DSC1: variants seen among roughly 807,000 people sequenced by gnomAD.
DSC1 encodes the protein desmocollin-1.
DSC1 carries 79 observed loss-of-function variants against 98.8 expected under a neutral mutation model. The observed-to-expected ratio is 0.80, with a 90% CI of 0.67 to 0.96. DSC1 has a LOEUF of 0.96. Ranked by LOEUF, DSC1 falls within the 50% of genes least tolerant of loss-of-function variation. DSC1 has a pLI of 0.00. For missense variants in DSC1, 1,115 were observed against 1,075.9 expected (o/e 1.04, Z -0.51); for synonymous variants, 405 against 372.1 (o/e 1.09, Z -1.02).
chr18:31,147,067 A>G (rs543665167), intron 6 of DSC1, among the ~76,000 whole-genome samples: 1 of 152,302 alleles, frequency 6.6e-6, no homozygotes, highest in East Asian at 1.9e-4. Context: ...TTCTTGCAAC[A>G]TTTTAAAACA....
In DSC1 at chr18:31,155,085, G is replaced by A. The variant is rs183252368; in HGVS notation, c.472-156C>T. Among the ~76,000 whole-genome samples, 359 of 151,924 alleles carry A rather than the reference G, an allele frequency of 2.4e-3. 3 individuals carry two copies. Among genetic ancestry groups the A allele is most frequent in the African/African-American group, 8.1e-3 (336 of 41,398 alleles). On this transcript the variant is annotated intron_variant, in intron 4 of 15. Transcript: ENST00000257198. ...GTGCCCATTATCTGCCATGTTTTCC[G>A]AATTTTTATTTGCATTTTGCATTGT...
Position 31,134,031 on chromosome 18 carries a change from A to T in DSC1, c.1976T>A (p.Met659Lys), listed in dbSNP as rs28620831. ...KDRHGLVATH[M>K]LTVRVCDCST... Reference sequence around the variant, plus strand: ...ACAGTCACATACTCTCACTGTTAACATATGTGTTGCAACTAAACCATGCCT... The same window carrying T: ...ACAGTCACATACTCTCACTGTTAACTTATGTGTTGCAACTAAACCATGCCT... Residue 659 changes from methionine (M) to lysine (K), a missense_variant, in exon 13 of 16, where the codon ATG becomes AAG. By Grantham distance (95) the Met-to-Lys change is moderately conservative (BLOSUM62 -1). Transcript: ENST00000257198. 3 of 1,613,062 alleles carry T rather than the reference A, an allele frequency of 1.9e-6. No individual in the cohort carries two copies. Among genetic ancestry groups the T allele is most frequent in the Admixed American group, 1.7e-5 (1 of 59,972 alleles).
intron 8 of DSC1, 55 bp from the exon 9 acceptor site, chr18:31,142,239 A>G: frequency 1.3e-6 from 2 of 1,547,498 alleles, no homozygotes; most frequent in African/African-American, 2.8e-5. Flanking sequence ...ATGTAGCTTT[A>G]TATTCTAAAA....
At chr18:31,148,782 G>A in intron 5 of DSC1, 140 bp from the exon 6 acceptor site, 1 of 775,522 alleles carries the variant, frequency 1.3e-6, no homozygotes, top group Non-Finnish European at 1.9e-6. Context: ...ATGCAATAGA[G>A]AGATAACCCA....
chr18:31,147,635 C>T (rs1052044426), intron 6 of DSC1, among the ~76,000 whole-genome samples: 1 of 151,912 alleles, frequency 6.6e-6, no homozygotes, highest in African/African-American at 2.4e-5. Flanking sequence ...CCTAAAATTG[C>T]CATCATCCTA....
In DSC1 at chr18:31,134,590, T is replaced by A; in HGVS notation, c.1858A>T (p.Asn620Tyr). ...TACATACCATCCTTTTCTTCTATGT[T>A]CCAGTTTTTACTGGCAGAATTATCC... ...FLDNSASKNW[N>Y]IEEKDGKTAI... The change falls in exon 12 of 16, where the codon AAC becomes TAC. Residue 620 changes from asparagine (N) to tyrosine (Y), a missense_variant. Transcript: ENST00000257198. The A allele has an allele frequency of 2.5e-6, 4 of 1,610,368 alleles. No homozygotes were observed. In the South Asian group the frequency reaches 3.3e-5, roughly 13 times the overall value.
chr18:31,134,244 CT>C (rs60325074), intron 12 of DSC1, 114 bp from the exon 13 acceptor site: 90,380 of 999,726 alleles, frequency 0.09, 1,834 homozygotes, highest in African/African-American at 0.21. Flanking sequence ...TCGAATTTTT[CT>C]TTTTTTTTTT....
chr18:31,152,357 A>G (rs1337824789), intron 5 of DSC1, among the ~76,000 whole-genome samples: 2 of 152,196 alleles, frequency 1.3e-5, no homozygotes, highest in African/African-American at 4.8e-5. Flanking sequence ...TTCTTATATA[A>G]CTATTCTTTG....
At chr18:31,149,651 A>G (rs1407055440) in intron 5 of DSC1, among the ~76,000 whole-genome samples, 1 of 152,154 alleles carries the variant, frequency 6.6e-6, no homozygotes, top group African/African-American at 2.4e-5. Context: ...TGTGCTTTAC[A>G]ATTTTAACCA....
At position 31,131,609 on chromosome 18, in the gene DSC1, T is replaced by C. The variant is rs1264934544; in HGVS notation, c.2472A>G (p.Gln824=). 1.9e-6 allele frequency: 3 copies of C among 1,614,038 alleles called. No homozygotes were observed. Among genetic ancestry groups the C allele is most frequent in the Admixed American group, 1.7e-5 (1 of 60,010 alleles). ...YAYTDWQSFT[Q]PRLGEKVYLC... is the part of the protein sequence containing the mutation. ...TGGAACTTACTTCGCCAAGCCGAGG[T>C]TGGGTGAAACTCTGCCAGTCCGTGT... The change falls in exon 15 of 16, where the codon CAA becomes CAG. Residue 824 remains glutamine (Q), a synonymous_variant. Transcript: ENST00000257198.
chr18:31,135,728 TGAA>T (rs1189720153), intron 11 of DSC1, among the ~76,000 whole-genome samples: 1 of 152,114 alleles, frequency 6.6e-6, no homozygotes, highest in East Asian at 1.9e-4. Flanking sequence ...TAAGAGATAA[TGAA>T]GTTCAGAAAC....
intron 11 of DSC1, among the ~76,000 whole-genome samples, chr18:31,138,930 A>C (rs1033050193): frequency 6.6e-6 from 1 of 152,022 alleles, no homozygotes; most frequent in Non-Finnish European, 1.5e-5. Flanking sequence ...ATTTATGGTA[A>C]ATTTGTCATC....
chr18:31,142,150 A>G lies in DSC1; in HGVS notation c.1109T>C (p.Val370Ala), dbSNP rs781523299. 1 of 1,612,654 alleles carries G rather than the reference A, an allele frequency of 6.2e-7. No homozygotes were observed. Among genetic ancestry groups the G allele is most frequent in the African/African-American group, 1.3e-5 (1 of 74,904 alleles). ...VTEVEENRID[V>A]EILRMKVQDQ... ...CTGTACCTTCATTCGTAAAATCTCC[A>G]CGTCAATTCTGTTTTCTTCTACTTC... The change falls in exon 9 of 16, where the codon GTG (valine) becomes GCG (alanine). Residue 370 changes from valine to alanine, a missense_variant. Transcript: ENST00000257198.
intron 6 of DSC1, among the ~76,000 whole-genome samples, chr18:31,147,063 C>T (rs576295393): frequency 3.0e-4 from 46 of 152,140 alleles, no homozygotes; most frequent in African/African-American, 1.1e-3. Context: ...ACTGTTCTTG[C>T]AACATTTTAA....
rs551670498 is a variant in DSC1, at chr18:31,148,523, A to T, written c.747T>A (p.Phe249Leu). 42 of 1,608,392 alleles carry T rather than the reference A, an allele frequency of 2.6e-5. No homozygotes were observed. The African/African-American group carries it at 5.3e-4, about 20-fold the overall frequency. Residue 249 changes from phenylalanine to leucine, a missense_variant, in exon 6 of 16, where the codon TTT becomes TTA. Transcript: ENST00000257198. ...CGGATCGGCAATTTTCAGGCACAGT[A>T]AAGATAGTCACTCTGTGTTCAAAAT... The part of the protein sequence containing the change: ...APYFEHRVTI[F>L]TVPENCRSGT...
chr18:31,130,520 CT>C lies in DSC1; in HGVS notation c.2678del (p.Lys893ArgfsTer7). 1.2e-6 allele frequency: 2 copies of C among 1,614,094 alleles called. No individual in the cohort carries two copies. Among genetic ancestry groups the C allele is most frequent in the Non-Finnish European group, 8.5e-7 (1 of 1,179,980 alleles). On this transcript the variant is annotated frameshift_variant, in exon 16 of 16. Transcript: ENST00000257198. LOFTEE classifies it high-confidence loss of function. ...ACACTATTAAAAGGCACATTTATTTCTTGATGCATGTCTTTGCTAATGTCCT... is the reference window on the plus strand; with the variant it reads ...ACACTATTAAAAGGCACATTTATTTCTGATGCATGTCTTTGCTAATGTCCT... The part of the protein sequence containing the change: ...KFRTLAKTCI[K>X]K
Position 31,148,744 on chromosome 18 carries a change from A to G in DSC1, c.628-102T>C, listed in dbSNP as rs1304460778. 6 of 1,088,074 alleles carry G rather than the reference A, an allele frequency of 5.5e-6. No homozygotes were observed. In the East Asian group the frequency reaches 1.6e-4, roughly 29 times the overall value. The allele number at this position is 1,088,074 out of a possible 1,614,324, so 67.4% of individuals were successfully genotyped here. On this transcript the variant is annotated intron_variant, in intron 5 of 15. Transcript: ENST00000257198. ...AAATGTAACATTAAAAAAAAAAATC[A>G]TTCCCAAAGACCCGTAACTAAGAAA...
In DSC1 at chr18:31,154,557, C is replaced by T. The variant is rs116289115; in HGVS notation, c.627+217G>A. The stretch of plus-strand genomic sequence containing the variant: ...CAAAATATATCCTTTAAAATTCCAT[C>T]GTTATATTTTCTTTACCTCCCCCGC... On this transcript the variant is annotated intron_variant, in intron 5 of 15. Transcript: ENST00000257198. Among the ~76,000 whole-genome samples the T allele has an allele frequency of 7.8e-3, 1,190 of 152,030 alleles. 15 individuals carry two copies. The highest frequency in any genetic ancestry group is 0.027 in the African/African-American group (1,132 of 41,476).
At chr18:31,146,502 G>A (rs1304089265) in intron 6 of DSC1, among the ~76,000 whole-genome samples, 4 of 152,132 alleles carry the variant, frequency 2.6e-5, no homozygotes, top group Admixed American at 6.5e-5. Flanking sequence ...AGGGCACGTG[G>A]ATTCATTTCA....
Sources: gnomAD v4.1 joint callset for allele counts (sites outside exome capture counted in the v4.1 genomes callset) on GRCh38, gnomAD v4.1.1 for gene constraint, MANE v1.5 for transcripts, NCBI Gene and HGNC (gene_info 2026-07-23, HGNC 2026-07-21) for gene names.